PTPRE: variants seen among roughly 807,000 people sequenced by gnomAD.
PTPRE encodes receptor-type tyrosine-protein phosphatase epsilon.
A neutral mutation model predicts 102.0 loss-of-function variants in PTPRE; 51 were observed. The ratio of observed to expected loss-of-function variants is 0.50; its 90% CI spans 0.40 to 0.63. The LOEUF (loss-of-function observed/expected upper bound fraction) is 0.63. Ranked by LOEUF, PTPRE falls within the 30% of genes least tolerant of loss-of-function variation. The pLI, the probability that PTPRE is intolerant of heterozygous loss-of-function variation, is 0.00. For missense variants in PTPRE, 752 were observed against 915.1 expected (o/e 0.82, Z 2.30); for synonymous variants, 345 against 348.2 (o/e 0.99, Z 0.10).
intron 5 of PTPRE, 62 bp downstream of exon 5, chr10:128,047,899 G>A (rs561343853): frequency 1.3e-6 from 2 of 1,486,770 alleles, no homozygotes; most frequent in South Asian, 1.3e-5. Context: ...AGCAGACACT[G>A]AGGTGCTTTC....
At chr10:128,064,851 T>C (rs1170677049) in intron 10 of PTPRE, among the ~76,000 whole-genome samples, 2 of 152,188 alleles carry the variant, frequency 1.3e-5, no homozygotes, top group Non-Finnish European at 2.9e-5. Flanking sequence ...CATCCTGGGC[T>C]CTGCATTGCA....
intron 1 of PTPRE, among the ~76,000 whole-genome samples, chr10:127,920,987 G>A (rs1846557619): frequency 6.6e-6 from 1 of 152,180 alleles, no homozygotes; most frequent in African/African-American, 2.4e-5. Context: ...TTGGATAACT[G>A]GCCCAACCTC....
At chr10:128,062,459 G>A (rs1354220211) in intron 9 of PTPRE, among the ~76,000 whole-genome samples, 1 of 152,228 alleles carries the variant, frequency 6.6e-6, no homozygotes, top group African/African-American at 2.4e-5. Flanking sequence ...TCTCTTGCCA[G>A]CAGACACCCA....
At chr10:127,922,577 C>T (rs1846685411) in intron 1 of PTPRE, among the ~76,000 whole-genome samples, 1 of 152,240 alleles carries the variant, frequency 6.6e-6, no homozygotes, top group African/African-American at 2.4e-5. Context: ...CAAGTGGGCA[C>T]TTAGGACAAA....
At chr10:128,020,035 TGTGTGTGTGTGCACGCGCGCAC>T (rs1302011730) in intron 2 of PTPRE, among the ~76,000 whole-genome samples, 3 of 124,136 alleles carry the variant, frequency 2.4e-5, no homozygotes, top group Non-Finnish European at 5.5e-5. Context: ...TGTGTGTGTG[TGTGTGTGTGTGCACGCGCGCAC>T]GTGTGTGTGT....
At chr10:128,046,998 C>G (rs527855165) in intron 3 of PTPRE, among the ~76,000 whole-genome samples, 1 of 152,362 alleles carries the variant, frequency 6.6e-6, no homozygotes, top group South Asian at 2.1e-4. Context: ...CCAAGGGGCC[C>G]TAAGAGCTGA....
intron 2 of PTPRE, among the ~76,000 whole-genome samples, chr10:127,984,836 G>A (rs1851948499): frequency 1.3e-5 from 2 of 152,276 alleles, no homozygotes; most frequent in South Asian, 2.1e-4. Flanking sequence ...CTGTGAGTCC[G>A]ATAGGCCTCT....
intron 1 of PTPRE, among the ~76,000 whole-genome samples, chr10:127,920,723 C>T (rs1452949049): frequency 6.6e-6 from 1 of 152,088 alleles, no homozygotes; most frequent in African/African-American, 2.4e-5. Flanking sequence ...TAGGGATGCA[C>T]GAGATGGAAA....
chr10:127,909,736 C>G (rs150967098), intron 1 of PTPRE, among the ~76,000 whole-genome samples: 9 of 152,334 alleles, frequency 5.9e-5, no homozygotes, highest in Non-Finnish European at 7.3e-5. Context: ...ACCAGTGGAG[C>G]CTTGAGGACT....
At chr10:127,937,368 C>T (rs1349513632) in intron 1 of PTPRE, among the ~76,000 whole-genome samples, 1 of 152,110 alleles carries the variant, frequency 6.6e-6, no homozygotes, top group Non-Finnish European at 1.5e-5. Flanking sequence ...TCCACACTTG[C>T]CCAAATTAAA....
chr10:127,957,669 C>CTATTGT (rs1165185363), intron 1 of PTPRE, among the ~76,000 whole-genome samples: 3 of 152,248 alleles, frequency 2.0e-5, no homozygotes, highest in Admixed American at 2.0e-4. Flanking sequence ...TTCAATATTG[C>CTATTGT]GTTGGCTATT....
At position 128,071,000 on chromosome 10, in the gene PTPRE, A is replaced by G. The variant is rs1043939959; in HGVS notation, c.1387+99A>G. On this transcript the variant is annotated intron_variant, in intron 15 of 20. Coordinates refer to ENST00000254667, the MANE Select transcript of PTPRE (RefSeq NM_006504.6). The surrounding 1 kb of genome is among the most constrained non-coding windows in gnomAD (Gnocchi z 4.8). ...CATTGACCGCTTACCCCTGTGCACC[A>G]GGGTCAAAAGCAGGGTGTCCTCTGG... 1.6e-6 allele frequency: 2 copies of G among 1,216,938 alleles called. No individual in the cohort carries two copies. Among genetic ancestry groups the G allele is most frequent in the Non-Finnish European group, 2.4e-6 (2 of 849,224 alleles). The allele number at this position is 1,216,938 out of a possible 1,614,324, so 75.4% of individuals were successfully genotyped here. A position where few individuals can be genotyped will look rare whatever the true frequency, so the allele number is the denominator to read the frequency against.
At chr10:127,935,274 C>T (rs1328584569) in intron 1 of PTPRE, among the ~76,000 whole-genome samples, 1 of 152,194 alleles carries the variant, frequency 6.6e-6, no homozygotes, top group East Asian at 1.9e-4. Context: ...TTGCTGGCGG[C>T]AGGATGCGGT....
intron 2 of PTPRE, chr10:127,987,313 A>G: frequency 7.9e-7 from 1 of 1,260,244 alleles, no homozygotes; most frequent in Non-Finnish European, 1.0e-6. Flanking sequence ...GAATTCTTCT[A>G]GAAATCCTTT....
At chr10:128,079,786 T>G in intron 20 of PTPRE, 91 bp downstream of exon 20, 1 of 1,442,708 alleles carries the variant, frequency 6.9e-7, no homozygotes, top group Non-Finnish European at 9.4e-7. Flanking sequence ...CTTAAGTACA[T>G]GGGGGAGGTG....
At chr10:127,928,104 G>A (rs1847163136) in intron 1 of PTPRE, among the ~76,000 whole-genome samples, 1 of 152,158 alleles carries the variant, frequency 6.6e-6, no homozygotes, top group Admixed American at 6.5e-5. Context: ...CATTAGTGGT[G>A]ACCGTCAGAT....
At position 128,034,440 on chromosome 10, in the gene PTPRE, A is replaced by G. The variant is rs1847039133; in HGVS notation, c.-7-6435A>G. On this transcript the variant is annotated intron_variant, in intron 2 of 20. Coordinates refer to ENST00000254667, the MANE Select transcript of PTPRE (RefSeq NM_006504.6). Reference sequence around the variant, plus strand: ...GGTGGTGGCTCACACCTGTAATCCCAGCACTTTGGGAGGTCAGGGCGGGAG... The same window carrying G: ...GGTGGTGGCTCACACCTGTAATCCCGGCACTTTGGGAGGTCAGGGCGGGAG... 2.0e-5 allele frequency among the ~76,000 whole-genome samples: 3 copies of G among 152,158 alleles called. No homozygotes were observed. The South Asian group carries it at 6.2e-4, about 32-fold the overall frequency.
Position 128,056,134 on chromosome 10 carries a change from T to C in PTPRE, c.432T>C (p.Ser144=). The C allele has an allele frequency of 6.2e-7, 1 of 1,611,248 alleles. No homozygotes were observed. The highest frequency in any genetic ancestry group is 8.5e-7 in the Non-Finnish European group (1 of 1,177,540). ...ACATTTTCTTCCAGTCATTGCCATC[T>C]GGACACATACAAGGAACTTTTGAAC... ...QFREEFNSLP[S]GHIQGTFELA... is the part of the protein sequence containing the mutation. The change falls in exon 7 of 21, where the codon TCT becomes TCC. Residue 144 remains serine (S), a synonymous_variant. Coordinates refer to ENST00000254667, the MANE Select transcript of PTPRE (RefSeq NM_006504.6).
At chr10:128,049,743 A>G (rs771010774) in intron 6 of PTPRE, 77 bp downstream of exon 6, 75 of 1,589,064 alleles carry the variant, frequency 4.7e-5, no homozygotes, top group Non-Finnish European at 5.8e-5. Flanking sequence ...TTCAGGATGA[A>G]TTATCCCAAA....
Sources: allele counts gnomAD v4.1 joint callset (sites outside exome capture counted in the v4.1 genomes callset), GRCh38; gene constraint gnomAD v4.1.1; non-coding constraint Gnocchi (gnomAD v3.1); transcripts MANE v1.5; gene names NCBI Gene and HGNC (gene_info 2026-07-23, HGNC 2026-07-21).